SH3GL3: variants seen among roughly 807,000 people sequenced by gnomAD.
SH3GL3 encodes the protein SH3 domain containing GRB2 like 3, endophilin A3, also known as endophilin-A3.
A neutral mutation model predicts 47.7 loss-of-function variants in SH3GL3; 33 were observed. The observed-to-expected ratio is 0.69, with a 90% CI of 0.52 to 0.92. SH3GL3 has a LOEUF of 0.92. SH3GL3 is among the 40% of genes least tolerant of loss of function. The probability of loss-of-function intolerance (pLI) is 0.00; values close to 1 mark genes in which losing one functional copy is unlikely to be tolerated. For missense variants in SH3GL3, 363 were observed against 417.8 expected (o/e 0.87, Z 1.14); for synonymous variants, 155 against 148.8 (o/e 1.04, Z -0.30).
chr15:83,590,283 C>T (rs1246212365), intron 8 of SH3GL3, among the ~76,000 whole-genome samples: 1 of 152,016 alleles, frequency 6.6e-6, no homozygotes, highest in Non-Finnish European at 1.5e-5. Flanking sequence ...TATACAGAAG[C>T]TTTTATTTTG....
intron 8 of SH3GL3, among the ~76,000 whole-genome samples, chr15:83,603,596 G>A (rs1049308589): frequency 1.3e-5 from 2 of 152,090 alleles, no homozygotes; most frequent in Non-Finnish European, 2.9e-5. Flanking sequence ...TTTTCTTTGG[G>A]GTACAGAAAC....
chr15:83,608,536 G>A (rs1006604548), intron 8 of SH3GL3, among the ~76,000 whole-genome samples: 1 of 152,150 alleles, frequency 6.6e-6, no homozygotes, highest in Non-Finnish European at 1.5e-5. Context: ...AAGAATTTGA[G>A]ATTATAAATG....
intron 1 of SH3GL3, among the ~76,000 whole-genome samples, chr15:83,544,340 C>A (rs1042304575): frequency 6.6e-6 from 1 of 151,926 alleles, no homozygotes; most frequent in African/African-American, 2.4e-5. Flanking sequence ...TTATTGATTT[C>A]TAGTTTTATT....
At chr15:83,472,477 T>C (rs959942106) in intron 1 of SH3GL3, among the ~76,000 whole-genome samples, 2 of 152,226 alleles carry the variant, frequency 1.3e-5, no homozygotes, top group African/African-American at 2.4e-5. Context: ...ACATTTTTTT[T>C]CTCTGTTTCT....
intron 8 of SH3GL3, chr15:83,609,276 G>A (rs1050084761): frequency 2.2e-6 from 1 of 455,930 alleles, no homozygotes; most frequent in African/African-American, 2.0e-5. Flanking sequence ...CCAGCCTACA[G>A]CAGACTGGAA....
downstream of SH3GL3, among the ~76,000 whole-genome samples, chr15:83,622,722 C>G (rs973920891): frequency 1.3e-5 from 2 of 152,230 alleles, no homozygotes; most frequent in South Asian, 2.1e-4. Flanking sequence ...GAGTCTGCAT[C>G]CAGATAGTGT....
intron 1 of SH3GL3, among the ~76,000 whole-genome samples, chr15:83,512,873 T>C (rs2042825709): frequency 1.3e-5 from 2 of 152,234 alleles, no homozygotes. Context: ...ATGAATAAGC[T>C]GCCAGCAATA....
chr15:83,458,958 C>T (rs947235883), intron 1 of SH3GL3, among the ~76,000 whole-genome samples: 4 of 152,188 alleles, frequency 2.6e-5, no homozygotes, highest in African/African-American at 9.7e-5. Context: ...TATCTGCAAG[C>T]TGAGGAGCAA....
intron 1 of SH3GL3, among the ~76,000 whole-genome samples, chr15:83,556,786 A>T (rs1759609697): frequency 6.6e-6 from 1 of 151,956 alleles, no homozygotes; most frequent in African/African-American, 2.4e-5. Flanking sequence ...TTGGGCTGGG[A>T]GCACTGGGTG....
At chr15:83,632,780 T>A in the SH3GL3 span, among the ~76,000 whole-genome samples, 2 of 152,184 alleles carry the variant, frequency 1.3e-5, no homozygotes, top group African/African-American at 4.8e-5. Flanking sequence ...GGAACTACAA[T>A]TCAAGATGAG....
chr15:83,604,220 C>A (rs911623926), intron 8 of SH3GL3, among the ~76,000 whole-genome samples: 1 of 152,132 alleles, frequency 6.6e-6, no homozygotes, highest in Non-Finnish European at 1.5e-5. Context: ...ACCTCAGCCT[C>A]CCTCCTTCAA....
At position 83,483,136 on chromosome 15, in the gene SH3GL3, T is replaced by A. The variant is rs113307261; in HGVS notation, c.45+35558T>A. On this transcript the variant is annotated intron_variant, in intron 1 of 8. Coordinates refer to ENST00000427482, the MANE Select transcript of SH3GL3 (RefSeq NM_003027.5). Reference sequence around the variant, plus strand: ...TGTTGGATTATTTTCTCCTATGCTCTTCAAAGAAAGTGGCTCTAGTGTGTC... The same window carrying A: ...TGTTGGATTATTTTCTCCTATGCTCATCAAAGAAAGTGGCTCTAGTGTGTC... Among the ~76,000 whole-genome samples the A allele has an allele frequency of 4.3e-3, 653 of 152,346 alleles. 5 individuals carry two copies. The highest frequency in any genetic ancestry group is 0.015 in the African/African-American group (614 of 41,568).
chr15:83,480,278 C>T (rs1216893092), intron 1 of SH3GL3, among the ~76,000 whole-genome samples: 1 of 152,134 alleles, frequency 6.6e-6, no homozygotes, highest in Non-Finnish European at 1.5e-5. Context: ...TATTTCTACA[C>T]TGTTATAATA....
At chr15:83,548,012 A>G (rs1256957037) in intron 1 of SH3GL3, among the ~76,000 whole-genome samples, 1 of 151,466 alleles carries the variant, frequency 6.6e-6, no homozygotes, top group Non-Finnish European at 1.5e-5. Flanking sequence ...GTTATATATT[A>G]TTTTATAATT....
intron 8 of SH3GL3, among the ~76,000 whole-genome samples, chr15:83,613,669 A>G (rs535961262): frequency 5.9e-4 from 85 of 143,256 alleles, no homozygotes; most frequent in Non-Finnish European, 1.1e-3. Flanking sequence ...CTATCTATCT[A>G]TCTATCATTA....
At chr15:83,457,343 T>C (rs1402391919) in intron 1 of SH3GL3, among the ~76,000 whole-genome samples, 1 of 152,234 alleles carries the variant, frequency 6.6e-6, no homozygotes, top group African/African-American at 2.4e-5. Context: ...ACTTCTGTCA[T>C]GTGACTCAGC....
At chr15:83,619,562 G>C (rs1420640491), downstream of SH3GL3, among the ~76,000 whole-genome samples, 1 of 152,122 alleles carries the variant, frequency 6.6e-6, no homozygotes, top group Non-Finnish European at 1.5e-5. Context: ...ATGTACCCTG[G>C]TACTTAAGAA....
At chr15:83,559,370 G>C in intron 2 of SH3GL3, 49 bp downstream of exon 2, 1 of 951,640 alleles carries the variant, frequency 1.1e-6, no homozygotes, top group Non-Finnish European at 1.7e-6. Context: ...CTTTCATTGT[G>C]ATATGAGATA....
the SH3GL3 span, among the ~76,000 whole-genome samples, chr15:83,632,019 ATC>A: frequency 6.6e-6 from 1 of 152,166 alleles, no homozygotes; most frequent in Non-Finnish European, 1.5e-5. Flanking sequence ...ACACTAAATC[ATC>A]TCTCTCAAGT....
Sources: gnomAD v4.1 joint callset for allele counts (sites outside exome capture counted in the v4.1 genomes callset) on GRCh38, gnomAD v4.1.1 for gene constraint, MANE v1.5 for transcripts, NCBI Gene and HGNC (gene_info 2026-07-23, HGNC 2026-07-21) for gene names.